NAV3: variants seen among roughly 807,000 people sequenced by gnomAD.
NAV3 encodes the protein pore membrane and/or filament interacting like protein 1.
NAV3 carries 87 observed loss-of-function variants against 244.7 expected under a neutral mutation model. The observed-to-expected ratio is 0.36, with a 90% CI of 0.30 to 0.42. The LOEUF (loss-of-function observed/expected upper bound fraction) is 0.42, where lower values mean the gene tolerates loss of function less well. Among genes scored for constraint, NAV3 ranks in the 20% least tolerant of loss-of-function variants. The probability of loss-of-function intolerance (pLI) is 1.00; values close to 1 mark genes in which losing one functional copy is unlikely to be tolerated. For synonymous variants in NAV3, 1,126 were observed against 1,042.2 expected (o/e 1.08, Z -1.55); for missense variants, 2,663 against 2,893.3 (o/e 0.92, Z 1.83).
chr12:78,177,578 G>A (rs756048786), intron 27 of NAV3, 42 bp from the exon 28 acceptor site: 8 of 1,538,692 alleles, frequency 5.2e-6, no homozygotes, highest in Non-Finnish European at 6.2e-6. Context: ...TTCTTTTCAT[G>A]GGCATTTGTC....
chr12:78,015,341 G>C (rs1876008353), intron 8 of NAV3, among the ~76,000 whole-genome samples: 1 of 152,002 alleles, frequency 6.6e-6, no homozygotes. Flanking sequence ...CCTAGTAGCT[G>C]TCACATCTTC....
intron 23 of NAV3, among the ~76,000 whole-genome samples, chr12:78,161,665 G>C (rs1163182267): frequency 6.6e-6 from 1 of 151,998 alleles, no homozygotes; most frequent in Non-Finnish European, 1.5e-5. Context: ...TTTCTCAGAA[G>C]ATATCAGAAT....
intron 12 of NAV3, among the ~76,000 whole-genome samples, chr12:78,101,916 A>T (rs1043468762): frequency 7.9e-5 from 12 of 152,166 alleles, no homozygotes; most frequent in African/African-American, 2.9e-4. Flanking sequence ...AAAATATTTT[A>T]TATAATATTT....
rs2138628259 is a variant in NAV3 at position 78,119,717 on chromosome 12, C to T, written c.3521C>T (p.Thr1174Ile). 3.1e-6 allele frequency: 5 copies of T among 1,614,198 alleles called. No homozygotes were observed. Among genetic ancestry groups the T allele is most frequent in the Non-Finnish European group, 4.2e-6 (5 of 1,180,028 alleles). Residue 1174 changes from threonine to isoleucine, a missense_variant, in exon 15 of 40, where the codon ACC (threonine) becomes ATC (isoleucine). By Grantham distance (89) the Thr-to-Ile change is moderately conservative (BLOSUM62 -1). This residue lies in a region of NAV3 where 1,521 missense variants were observed against 1,497.0 expected (regional missense o/e 1.02). Transcript: ENST00000397909. ...SNVSSKSAGA[T>I]TSKLREPTKI... ...GTCAGCAGCAAGTCTGCTGGGGCCA[C>T]CACCTCGAAACTGAGAGAACCAACT... is the stretch of plus-strand genomic sequence containing the variant.
intron 2 of NAV3, among the ~76,000 whole-genome samples, chr12:77,658,972 A>G (rs1299861386): frequency 6.6e-6 from 1 of 152,196 alleles, no homozygotes; most frequent in East Asian, 1.9e-4. Context: ...GATGGATTAA[A>G]GACTTAAACG....
chr12:77,612,257 A>G (rs1322470842), intron 2 of NAV3, among the ~76,000 whole-genome samples: 1 of 152,146 alleles, frequency 6.6e-6, no homozygotes, highest in Non-Finnish European at 1.5e-5. Context: ...TTGTGGAAGA[A>G]TCAGTTCTCA....
intron 12 of NAV3, among the ~76,000 whole-genome samples, chr12:78,069,542 TAATATTAG>T (rs1354716932): frequency 6.6e-6 from 1 of 151,966 alleles, no homozygotes; most frequent in Admixed American, 6.6e-5. Flanking sequence ...TAATACTGTG[TAATATTAG>T]ATATTATTTT....
At chr12:77,873,635 A>C (rs1881330566) in intron 1 of NAV3, among the ~76,000 whole-genome samples, 1 of 145,788 alleles carries the variant, frequency 6.9e-6, no homozygotes, top group African/African-American at 2.5e-5. Flanking sequence ...ATTTCCCCTA[A>C]GGAAAAGAAA....
In NAV3 at chr12:77,752,298, A is replaced by C. The variant is rs149050913; in HGVS notation, c.72+180032A>C. On this transcript the variant is annotated intron_variant, in intron 2 of 8. Transcript: ENST00000550042. ...TGTTTTGACATGGAAGCTGGGAAGG[A>C]AACTATTTGTTTGACATTTTCTAAA... Among the ~76,000 whole-genome samples, 485 of 152,286 alleles carry C rather than the reference A, an allele frequency of 3.2e-3. 4 individuals are homozygous for C. Among genetic ancestry groups the C allele is most frequent in the Middle Eastern group, 0.024 (7 of 294 alleles).
intron 1 of NAV3, among the ~76,000 whole-genome samples, chr12:77,850,535 G>A (rs1877353915): frequency 6.6e-6 from 1 of 152,144 alleles, no homozygotes; most frequent in Non-Finnish European, 1.5e-5. Context: ...TGCTGCTGGT[G>A]GTTGCAAAGG....
chr12:78,048,233 C>T (rs955809904), intron 9 of NAV3, among the ~76,000 whole-genome samples: 2 of 152,298 alleles, frequency 1.3e-5, no homozygotes, highest in Non-Finnish European at 2.9e-5. Flanking sequence ...CAAACTCATA[C>T]TCTGTCCAGT....
intron 23 of NAV3, among the ~76,000 whole-genome samples, chr12:78,161,034 G>C (rs914252602): frequency 2.6e-5 from 4 of 151,920 alleles, no homozygotes; most frequent in African/African-American, 9.7e-5. Context: ...CCAGCAAATA[G>C]AATTAGAAGG....
intron 1 of NAV3, among the ~76,000 whole-genome samples, chr12:77,911,308 G>A (rs970495288): frequency 6.6e-6 from 1 of 152,096 alleles, no homozygotes; most frequent in South Asian, 2.1e-4. Flanking sequence ...AACTGGATTA[G>A]AATCTGCCAT....
intron 2 of NAV3, among the ~76,000 whole-genome samples, chr12:77,627,690 G>A (rs939612325): frequency 6.6e-6 from 1 of 152,088 alleles, no homozygotes; most frequent in East Asian, 1.9e-4. Flanking sequence ...TTTATCCAAA[G>A]GAAAGGAAAT....
At position 78,083,338 on chromosome 12, in the gene NAV3, A is replaced by T. The variant is rs556566436; in HGVS notation, c.2636+24223A>T. ...TCATAAAGGTCTCACTTGTCAATAC[A>T]GCTGCATTGGGGGTTAAATTTTAAT... On this transcript the variant is annotated intron_variant, in intron 12 of 39. Transcript: ENST00000397909. Among the ~76,000 whole-genome samples the T allele has an allele frequency of 4.6e-5, 7 of 152,288 alleles. No homozygotes were observed. The East Asian group carries it at 1.4e-3, about 29-fold the overall frequency.
At chr12:77,965,315 A>C (rs1892414460) in intron 3 of NAV3, among the ~76,000 whole-genome samples, 1 of 152,198 alleles carries the variant, frequency 6.6e-6, no homozygotes, top group East Asian at 1.9e-4. Flanking sequence ...ATCATATTGA[A>C]ACCAATCATT....
At chr12:78,164,968 G>A (rs940045973) in intron 23 of NAV3, among the ~76,000 whole-genome samples, 2 of 151,930 alleles carry the variant, frequency 1.3e-5, no homozygotes, top group Admixed American at 6.6e-5. Context: ...GGGTTGGAAA[G>A]GCCACCAGGA....
At chr12:77,777,724 TA>T (rs1870436198) in intron 2 of NAV3, among the ~76,000 whole-genome samples, 1 of 152,124 alleles carries the variant, frequency 6.6e-6, no homozygotes, top group Non-Finnish European at 1.5e-5. Context: ...AACTGCAACT[TA>T]AACAAATACT....
At chr12:77,748,518 G>A (rs979125689) in intron 2 of NAV3, among the ~76,000 whole-genome samples, 5 of 152,166 alleles carry the variant, frequency 3.3e-5, no homozygotes, top group African/African-American at 1.2e-4. Context: ...AATGGATAAA[G>A]AAAATGTGGT....
Sources: allele counts gnomAD v4.1 joint callset (sites outside exome capture counted in the v4.1 genomes callset), GRCh38; gene constraint gnomAD v4.1.1; regional missense constraint gnomAD v4.1.1; transcripts MANE v1.5; gene names NCBI Gene and HGNC (gene_info 2026-07-23, HGNC 2026-07-21).